The following FLNC variants were observed in gnomAD, a reference collection of about 807,000 sequenced individuals.
The protein encoded by FLNC is filamin-C.
Under a neutral mutation model 254.3 loss-of-function variants are expected in FLNC, and 91 were observed. The observed-to-expected ratio is 0.36, with a 90% CI of 0.30 to 0.43. The LOEUF (loss-of-function observed/expected upper bound fraction) is 0.43, where lower values mean the gene tolerates loss of function less well. FLNC is among the 20% of genes least tolerant of loss of function. The pLI is 1.00. For missense variants in FLNC, 2,853 were observed against 3,802.6 expected, an observed-to-expected ratio of 0.75 and a Z score of 6.57; for synonymous variants, 1,430 against 1,577.2, an observed-to-expected ratio of 0.91 and a Z score of 2.21.
intron 43 of FLNC, among the ~76,000 whole-genome samples, chr7:128,855,825 G>A (rs749362404): frequency 8.5e-5 from 13 of 152,176 alleles, no homozygotes; most frequent in Non-Finnish European, 1.5e-4. Flanking sequence ...CTGTCACAGC[G>A]GACATGTGCA....
At chr7:128,846,576 G>T in intron 23 of FLNC, 113 bp downstream of exon 23, 1 of 1,460,046 alleles carries the variant, frequency 6.8e-7, no homozygotes, top group Non-Finnish European at 9.5e-7. Flanking sequence ...TCTCAGGGGT[G>T]AGGCAGGAGC....
intron 30 of FLNC, 96 bp from the exon 31 acceptor site, chr7:128,849,880 A>G (rs775774222): frequency 2.1e-6 from 2 of 932,462 alleles, no homozygotes; most frequent in East Asian, 2.6e-5. Flanking sequence ...CACCCAAATT[A>G]TCACCCAGCA....
In FLNC at chr7:128,856,427, G is replaced by A. The variant is rs1490289846; in HGVS notation, c.7252-91G>A. The A allele has an allele frequency of 5.9e-6, 9 of 1,537,512 alleles. No homozygotes were observed. The highest frequency in any genetic ancestry group is 8.0e-6 in the Non-Finnish European group (9 of 1,126,210). ...ATGGGGTGGCAGCAGCCTTTGGGCT[G>A]GGCTTACAGTGAGCACCGTGTGGGG... On this transcript the variant is annotated intron_variant, in intron 43 of 47. Transcript: ENST00000325888. The surrounding 1 kb of genome is among the most constrained non-coding windows in gnomAD (Gnocchi z 5.9).
chr7:128,837,995 G>T lies in FLNC; in HGVS notation c.978G>T (p.Val326=). Residue 326 remains valine (V), a synonymous_variant, in exon 6 of 48, where the codon GTG becomes GTT. Transcript: ENST00000325888. The stretch of plus-strand genomic sequence containing the variant: ...TTTTTCCTTCCTAATAGGCTAAGGT[G>T]GTTCCCAACAATGACAAGGATCGCA... ...DPEGHTEEAK[V]VPNNDKDRTY... 1 of 1,613,888 alleles carries T rather than the reference G, an allele frequency of 6.2e-7. No individual in the cohort carries two copies. The highest frequency in any genetic ancestry group is 8.5e-7 in the Non-Finnish European group (1 of 1,179,820).
Position 128,850,792 on chromosome 7 carries a change from C to G in FLNC, c.5399-11C>G. 6.2e-7 allele frequency: 1 copy of G among 1,613,710 alleles called. No homozygotes were observed. Among genetic ancestry groups the G allele is most frequent in the Non-Finnish European group, 8.5e-7 (1 of 1,179,994 alleles). Reference sequence around the variant, plus strand: ...AACCAGGGTCTCCACGTAACTGTGTCTGCCCTGCAGGAGAGGTGCGGATGC... The same window carrying G: ...AACCAGGGTCTCCACGTAACTGTGTGTGCCCTGCAGGAGAGGTGCGGATGC... On this transcript the variant is annotated splice_polypyrimidine_tract_variant and intron_variant, in intron 32 of 47. Transcript: ENST00000325888.
intron 31 of FLNC, 64 bp from the exon 32 acceptor site, chr7:128,850,320 C>A: frequency 1.5e-6 from 2 of 1,350,582 alleles, no homozygotes; most frequent in South Asian, 2.3e-5. Context: ...CAGCTTCAGT[C>A]ATAGCATGGG....
intron 40 of FLNC, 40 bp downstream of exon 40, chr7:128,854,256 G>A (rs372436768): frequency 1.9e-6 from 3 of 1,603,988 alleles, no homozygotes; most frequent in Non-Finnish European, 1.7e-6. Flanking sequence ...CCTCACGGCG[G>A]GATGGGAGGG....
intron 7 of FLNC, 85 bp downstream of exon 7, chr7:128,838,514 G>A (rs1808197526): frequency 1.5e-5 from 20 of 1,348,080 alleles, no homozygotes; most frequent in Non-Finnish European, 2.0e-5. Context: ...GGACAGGGAT[G>A]CCAGCCAGAG....
chr7:128,837,599 T>G, intron 4 of FLNC, 38 bp from the exon 5 acceptor site: 1 of 1,613,540 alleles, frequency 6.2e-7, no homozygotes, highest in Non-Finnish European at 8.5e-7. Flanking sequence ...ACATGTAGGC[T>G]CTCCCTGAGT....
intron 33 of FLNC, 140 bp downstream of exon 33, chr7:128,851,083 A>T: frequency 6.7e-7 from 1 of 1,503,186 alleles, no homozygotes; most frequent in African/African-American, 1.4e-5. Context: ...GGAGGCTTAT[A>T]CCCTGGTGGG....
At chr7:128,852,477 T>G in intron 35 of FLNC, 114 bp from the exon 36 acceptor site, 1 of 1,202,294 alleles carries the variant, frequency 8.3e-7, no homozygotes, top group Non-Finnish European at 1.2e-6. Flanking sequence ...CACCTGGGAG[T>G]GGCCCCCCGT....
chr7:128,846,971 A>G (rs1808594543), intron 24 of FLNC, 66 bp downstream of exon 24: 1 of 1,583,182 alleles, frequency 6.3e-7, no homozygotes, highest in African/African-American at 1.3e-5. Flanking sequence ...TCGCCCCACA[A>G]GGGGGAAACT....
chr7:128,834,571 A>G (rs986918029), intron 1 of FLNC, among the ~76,000 whole-genome samples: 2 of 147,304 alleles, frequency 1.4e-5, no homozygotes, highest in Admixed American at 1.4e-4. Context: ...CCCCACTCCA[A>G]TTTCAGTTCT....
In FLNC at chr7:128,848,028, A is replaced by G. The variant is rs765591592; in HGVS notation, c.4540A>G (p.Thr1514Ala). The change falls in exon 26 of 48, where the codon ACG (threonine) becomes GCG (alanine). Residue 1514 changes from threonine (T) to alanine (A), a missense_variant. By Grantham distance (58) the Thr-to-Ala change is moderately conservative (BLOSUM62 0). This residue lies in a region of FLNC where 1,573 missense variants were observed against 1,883.5 expected (regional missense o/e 0.84). Coordinates refer to ENST00000325888, the MANE Select transcript of FLNC (RefSeq NM_001458.5). ...HYTPATDGPYTVAVKYADQEV... is the reference protein window; with the variant it reads ...HYTPATDGPYAVAVKYADQEV... ...CACCCCAGCCACTGACGGGCCCTAC[A>G]CGGTAGCCGTCAAGTATGCTGACCA... is the stretch of plus-strand genomic sequence containing the variant. The G allele has an allele frequency of 5.6e-6, 9 of 1,607,426 alleles. No homozygotes were observed. Among genetic ancestry groups the G allele is most frequent in the Non-Finnish European group, 5.9e-6 (7 of 1,176,780 alleles).
rs1382825798 is a variant in FLNC at position 128,830,810 on chromosome 7, C to T, written c.173C>T (p.Thr58Ile). Residue 58 changes from threonine to isoleucine, a missense_variant, in exon 1 of 48, where the codon ACC (threonine) becomes ATC (isoleucine). Thr to Ile is a moderately conservative substitution (Grantham distance 89, BLOSUM62 -1). This residue lies in a region of FLNC where 59 missense variants were observed against 59.8 expected (regional missense o/e 0.99). Transcript: ENST00000325888. ...EHLKCVGKRLTDLQRDLSDGL... is the reference protein window; with the variant it reads ...EHLKCVGKRLIDLQRDLSDGL... ...CTCAAGTGCGTGGGCAAGCGCCTGA[C>T]CGACCTGCAGCGCGACCTCAGCGAC... 1 of 1,613,084 alleles carries T rather than the reference C, an allele frequency of 6.2e-7. No individual in the cohort carries two copies. The highest frequency in any genetic ancestry group is 1.6e-4 in the Middle Eastern group (1 of 6,062).
At chr7:128,848,466 A>G (rs1043652876) in intron 26 of FLNC, 95 bp from the exon 27 acceptor site, 8 of 1,309,452 alleles carry the variant, frequency 6.1e-6, no homozygotes, top group Middle Eastern at 1.8e-4. Context: ...CCTCCTGCCC[A>G]TGTCTATGGG....
chr7:128,835,887 T>G lies in FLNC; in HGVS notation c.601+313T>G, dbSNP rs1326283563. Among the ~76,000 whole-genome samples, 1 of 152,198 alleles carries G rather than the reference T, an allele frequency of 6.6e-6. No homozygotes were observed. Among genetic ancestry groups the G allele is most frequent in the East Asian group, 1.9e-4 (1 of 5,190 alleles). On this transcript the variant is annotated intron_variant, in intron 2 of 47. Coordinates refer to ENST00000325888, the MANE Select transcript of FLNC (RefSeq NM_001458.5). The surrounding 1 kb of genome is among the most constrained non-coding windows in gnomAD (Gnocchi z 5.3). ...ACAGCTTATCTGTGGCAGAACCACC[T>G]AGAGCCCAGGGCCTGGACTCCCTGC...
Position 128,848,668 on chromosome 7 carries a change from C to T in FLNC, c.4688C>T (p.Thr1563Ile), listed in dbSNP as rs1199627608. ...GIPASLPVEF[T>I]IDARDAGEGL... is the part of the protein sequence containing the mutation. The stretch of plus-strand genomic sequence containing the variant: ...CCTGCCAGCCTGCCTGTGGAGTTCA[C>T]CATCGACGCACGGGACGCGGGCGAG... The change falls in exon 27 of 48, where the codon ACC (threonine) becomes ATC (isoleucine). Residue 1563 changes from threonine (T) to isoleucine (I), a missense_variant. Thr to Ile is a moderately conservative substitution (Grantham distance 89, BLOSUM62 -1). Coordinates refer to ENST00000325888, the MANE Select transcript of FLNC (RefSeq NM_001458.5). The T allele has an allele frequency of 6.2e-7, 1 of 1,613,500 alleles. No homozygotes were observed. The highest frequency in any genetic ancestry group is 8.5e-7 in the Non-Finnish European group (1 of 1,180,024).
In FLNC at chr7:128,840,844, G is replaced by A. The variant is rs1322544720; in HGVS notation, c.1687G>A (p.Val563Ile). Residue 563 changes from valine to isoleucine, a missense_variant, in exon 11 of 48, where the codon GTA (valine) becomes ATA (isoleucine). Physicochemically the swap from Val to Ile is conservative, Grantham distance 29. Transcript: ENST00000325888. ...TCCCTCTCTGCCCAGCCCCTTTGAG[G>A]TACAGGTGAGCCCAGAGGCAGGAGT... ...GYAIPRSPFE[V>I]QVSPEAGVQK... 2 of 1,613,680 alleles carry A rather than the reference G, an allele frequency of 1.2e-6. No individual in the cohort carries two copies. The highest frequency in any genetic ancestry group is 1.3e-5 in the African/African-American group (1 of 74,824).
Sources: allele counts gnomAD v4.1 joint callset (sites outside exome capture counted in the v4.1 genomes callset), GRCh38; gene constraint gnomAD v4.1.1; regional missense constraint gnomAD v4.1.1; non-coding constraint Gnocchi (gnomAD v3.1); transcripts MANE v1.5; gene names NCBI Gene and HGNC (gene_info 2026-07-23, HGNC 2026-07-21).